Variants in ROCK1 observed in about 807,000 individuals in gnomAD.
ROCK1 encodes the protein rho-associated protein kinase 1.
Under a neutral mutation model 196.8 loss-of-function variants are expected in ROCK1, and 36 were observed. The observed-to-expected ratio is 0.18, with a 90% CI of 0.14 to 0.24. The LOEUF is 0.24. Among genes scored for constraint, ROCK1 ranks in the 10% least tolerant of loss-of-function variants. The pLI is 1.00. For missense variants in ROCK1, 920 were observed against 1,562.0 expected, an observed-to-expected ratio of 0.59 and a Z score of 6.93; for synonymous variants, 443 against 515.9, an observed-to-expected ratio of 0.86 and a Z score of 1.91.
intron 12 of ROCK1, among the ~76,000 whole-genome samples, chr18:21,018,749 T>G (rs1321930245): frequency 6.6e-6 from 1 of 152,202 alleles, no homozygotes; most frequent in Non-Finnish European, 1.5e-5. Flanking sequence ...AGTGAGAATT[T>G]TATCTGTTTT....
intron 22 of ROCK1, among the ~76,000 whole-genome samples, chr18:20,971,895 T>TTA (rs2035432680): frequency 6.6e-6 from 1 of 151,976 alleles, no homozygotes; most frequent in African/African-American, 2.4e-5. Context: ...AGGAGGCCTC[T>TTA]CTGCTAAGAC....
chr18:21,110,786 C>T (rs375386559), intron 1 of ROCK1, 32 bp downstream of exon 1: 162 of 1,568,482 alleles, frequency 1.0e-4, no homozygotes, highest in East Asian at 1.8e-4. Context: ...ATGCAAAACC[C>T]CAGACAAGCA....
At chr18:21,033,854 T>TAAAAAA (rs71269004) in intron 9 of ROCK1, among the ~76,000 whole-genome samples, 990 of 33,424 alleles carry the variant, frequency 0.03, 181 homozygotes, top group African/African-American at 0.061. Context: ...CCGTTTCTAC[T>TAAAAAA]AAAAAAAAAA....
intron 5 of ROCK1, 68 bp from the exon 6 acceptor site, chr18:21,044,254 C>T (rs2036136159): frequency 5.8e-6 from 7 of 1,208,360 alleles, no homozygotes; most frequent in Non-Finnish European, 7.2e-6. Context: ...TTATATGAGG[C>T]AGTTATTTTA....
chr18:21,060,578 G>A (rs559948836), intron 2 of ROCK1, among the ~76,000 whole-genome samples: 8 of 152,234 alleles, frequency 5.3e-5, no homozygotes, highest in Non-Finnish European at 1.2e-4. Flanking sequence ...GGTGGCTCAC[G>A]CCTGTAATTC....
chr18:20,966,819 T>G, intron 27 of ROCK1, 98 bp downstream of exon 27: 1 of 922,660 alleles, frequency 1.1e-6, no homozygotes, highest in Non-Finnish European at 1.7e-6. Flanking sequence ...TAGGAATCCA[T>G]GGACAAAATG....
At chr18:21,041,507 T>C (rs1248350754) in intron 8 of ROCK1, among the ~76,000 whole-genome samples, 1 of 152,022 alleles carries the variant, frequency 6.6e-6, no homozygotes, top group Non-Finnish European at 1.5e-5. Context: ...AATATGCCAT[T>C]TTTCTTTCAA....
chr18:21,068,486 T>C (rs1407653974), intron 2 of ROCK1, among the ~76,000 whole-genome samples: 1 of 152,218 alleles, frequency 6.6e-6, no homozygotes, highest in African/African-American at 2.4e-5. Context: ...AATTACAGAA[T>C]TGCTGGTCAC....
chr18:20,959,243 C>G (rs1446378983), intron 29 of ROCK1, among the ~76,000 whole-genome samples: 2 of 103,628 alleles, frequency 1.9e-5, no homozygotes, highest in Non-Finnish European at 3.8e-5. Context: ...CAGAGTTTCG[C>G]TCTTGTGGCC....
chr18:21,060,040 G>T (rs1414246886), intron 2 of ROCK1, among the ~76,000 whole-genome samples: 1 of 152,214 alleles, frequency 6.6e-6, no homozygotes, highest in Admixed American at 6.5e-5. Context: ...AGCCTGGAGA[G>T]AAATGGAGAC....
intron 2 of ROCK1, among the ~76,000 whole-genome samples, chr18:21,064,867 C>T (rs1051146988): frequency 2.0e-5 from 3 of 152,292 alleles, no homozygotes; most frequent in African/African-American, 4.8e-5. Context: ...GCTTGGAGCA[C>T]GTGTCTAACT....
intron 29 of ROCK1, among the ~76,000 whole-genome samples, chr18:20,959,129 A>T (rs1478560024): frequency 1.9e-5 from 1 of 53,992 alleles, no homozygotes; most frequent in Admixed American, 3.6e-4. Context: ...TAATATATAT[A>T]TTATATATAT....
intron 16 of ROCK1, among the ~76,000 whole-genome samples, chr18:20,993,303 C>T (rs1389759519): frequency 2.6e-5 from 4 of 152,120 alleles, no homozygotes; most frequent in Non-Finnish European, 5.9e-5. Flanking sequence ...TCCAGGTTCA[C>T]GCCATTCTCC....
intron 22 of ROCK1, among the ~76,000 whole-genome samples, chr18:20,970,848 G>A (rs1276427001): frequency 6.6e-6 from 1 of 152,210 alleles, no homozygotes; most frequent in Non-Finnish European, 1.5e-5. Context: ...TCATTGACTT[G>A]TTAATCAGCA....
At chr18:21,052,883 G>C (rs935830068) in intron 2 of ROCK1, among the ~76,000 whole-genome samples, 2 of 152,010 alleles carry the variant, frequency 1.3e-5, no homozygotes, top group African/African-American at 4.8e-5. Context: ...CTGCTCTAAA[G>C]AAAAATAATA....
chr18:21,069,182 AT>A (rs1393267506), intron 2 of ROCK1, among the ~76,000 whole-genome samples: 2 of 152,092 alleles, frequency 1.3e-5, no homozygotes, highest in African/African-American at 4.8e-5. Context: ...TGGATATTAA[AT>A]TTTATCAAAT....
intron 1 of ROCK1, among the ~76,000 whole-genome samples, chr18:21,090,481 AAC>A (rs1290358935): frequency 6.6e-6 from 1 of 152,212 alleles, no homozygotes. Context: ...TGTATCAAAA[AAC>A]ACACACACAA....
intron 1 of ROCK1, among the ~76,000 whole-genome samples, chr18:21,086,995 C>T (rs1412363434): frequency 1.3e-5 from 2 of 151,894 alleles, no homozygotes; most frequent in Non-Finnish European, 2.9e-5. Context: ...TTGCTTGTTT[C>T]TCAATGCATG....
chr18:21,043,308 C>G (rs2036123890), intron 6 of ROCK1, among the ~76,000 whole-genome samples: 1 of 151,938 alleles, frequency 6.6e-6, no homozygotes, highest in Admixed American at 6.6e-5. Context: ...CACTGAATGT[C>G]TATTTGATGT....
Sources: gnomAD v4.1 joint callset for allele counts (sites outside exome capture counted in the v4.1 genomes callset) on GRCh38, gnomAD v4.1.1 for gene constraint, MANE v1.5 for transcripts, NCBI Gene and HGNC (gene_info 2026-07-23, HGNC 2026-07-21) for gene names.